The following FRRS1 variants were observed in gnomAD, a reference collection of about 807,000 sequenced individuals.
FRRS1 encodes ferric chelate reductase 1.
FRRS1 carries 51 observed loss-of-function variants against 70.7 expected under a neutral mutation model. The ratio of observed to expected loss-of-function variants is 0.72; its 90% CI spans 0.58 to 0.91. The LOEUF is 0.91. Ranked by LOEUF, FRRS1 falls within the 40% of genes least tolerant of loss-of-function variation. The pLI, the probability that FRRS1 is intolerant of heterozygous loss-of-function variation, is 0.00. For missense variants in FRRS1, 672 were observed against 726.0 expected, an observed-to-expected ratio of 0.93 and a Z score of 0.86; for synonymous variants, 225 against 238.7, an observed-to-expected ratio of 0.94 and a Z score of 0.53.
At chr1:99,750,505 G>A (rs187304380) in intron 1 of FRRS1, among the ~76,000 whole-genome samples, 20 of 152,274 alleles carry the variant, frequency 1.3e-4, no homozygotes, top group Admixed American at 6.5e-4. Flanking sequence ...AAAGTAGATG[G>A]CATGCAAGAA....
intron 1 of FRRS1, among the ~76,000 whole-genome samples, chr1:99,754,740 C>T (rs1283516005): frequency 1.3e-5 from 2 of 152,224 alleles, no homozygotes; most frequent in East Asian, 1.9e-4. Context: ...CGTGGGATGC[C>T]GCAAAAGCAG....
chr1:99,748,117 T>C (rs1656377302), intron 3 of FRRS1: 1 of 159,432 alleles, frequency 6.3e-6, no homozygotes, highest in Admixed American at 6.4e-5. Flanking sequence ...ATATACTCTC[T>C]ATGTAACAGA....
intron 1 of FRRS1, among the ~76,000 whole-genome samples, chr1:99,752,602 A>G (rs1656624109): frequency 6.6e-6 from 1 of 152,222 alleles, no homozygotes; most frequent in African/African-American, 2.4e-5. Flanking sequence ...AGATATAATG[A>G]AAAAGTTTAG....
rs1319748054 is a variant in FRRS1 at position 99,707,717 on chromosome 1, G to A, written c.*1311C>T. Among the ~76,000 whole-genome samples the A allele has an allele frequency of 6.6e-6, 1 of 152,166 alleles. No individual in the cohort carries two copies. Among genetic ancestry groups the A allele is most frequent in the East Asian group, 1.9e-4 (1 of 5,204 alleles). On this transcript the variant is annotated 3_prime_UTR_variant, in exon 17 of 17. Transcript: ENST00000646001. Reference sequence around the variant, plus strand: ...CACAAGGAAACAGGAACAAAGCAGTGCAGTACTTCGGTATTACAGCGCCAC... The same window carrying A: ...CACAAGGAAACAGGAACAAAGCAGTACAGTACTTCGGTATTACAGCGCCAC...
At chr1:99,753,453 A>G (rs2100991917) in intron 1 of FRRS1, among the ~76,000 whole-genome samples, 1 of 151,998 alleles carries the variant, frequency 6.6e-6, no homozygotes, top group East Asian at 1.9e-4. Flanking sequence ...GCAAAGCACA[A>G]CAAAGTGAAG....
In FRRS1 at chr1:99,712,174, A is replaced by T; in HGVS notation, c.1422-11T>A. The stretch of plus-strand genomic sequence containing the variant: ...TTAAACATTTGCCTTCTACCAAAAT[A>T]AGAACCAGTCAGTATTCTTAAAAGC... On this transcript the variant is annotated splice_polypyrimidine_tract_variant and intron_variant, in intron 13 of 16. Transcript: ENST00000646001. 6.3e-7 allele frequency: 1 copy of T among 1,589,772 alleles called. No homozygotes were observed. Among genetic ancestry groups the T allele is most frequent in the Non-Finnish European group, 8.6e-7 (1 of 1,158,884 alleles).
At chr1:99,733,450 T>C (rs1177067727) in intron 7 of FRRS1, among the ~76,000 whole-genome samples, 2 of 152,208 alleles carry the variant, frequency 1.3e-5, no homozygotes, top group Admixed American at 6.5e-5. Flanking sequence ...TGAGAAATGA[T>C]GAAATGCATG....
chr1:99,764,703 T>C (rs1404012636), intron 1 of FRRS1, among the ~76,000 whole-genome samples: 2 of 152,224 alleles, frequency 1.3e-5, no homozygotes, highest in African/African-American at 4.8e-5. Context: ...CCTGGACAAA[T>C]TATTTAACCT....
intron 9 of FRRS1, 90 bp downstream of exon 9, chr1:99,728,403 G>T: frequency 1.9e-6 from 2 of 1,080,946 alleles, no homozygotes; most frequent in Non-Finnish European, 2.7e-6. Context: ...TTAAAAACGG[G>T]CAATTACAGT....
chr1:99,747,667 T>C lies in FRRS1; in HGVS notation c.197-237A>G, dbSNP rs1258632751. 15 of 433,346 alleles carry C rather than the reference T, an allele frequency of 3.5e-5. 1 individual carries two copies. The Admixed American group carries it at 3.7e-4, about 11-fold the overall frequency. 26.8% of individuals were successfully genotyped at this position (433,346 alleles called of 1,614,324 possible). ...CCATTCCGCAAAGAGAAAAGAAAAA[T>C]AGGTGATGGTCCAGGGGCAGTCCAT... On this transcript the variant is annotated intron_variant, in intron 3 of 16. Coordinates refer to ENST00000646001, the MANE Select transcript of FRRS1 (RefSeq NM_001361041.2).
rs12385724 is a variant in FRRS1 at position 99,705,695 on chromosome 1, T to A, written c.*3333A>T. On this transcript the variant is annotated 3_prime_UTR_variant, in exon 17 of 17. Coordinates refer to ENST00000646001, the MANE Select transcript of FRRS1 (RefSeq NM_001361041.2). ...AAGTGAATTTGATTCATTTACTTGATAACCCATACTATAGACTACCTTTGC... is the reference window on the plus strand; with the variant it reads ...AAGTGAATTTGATTCATTTACTTGAAAACCCATACTATAGACTACCTTTGC... Among the ~76,000 whole-genome samples, 1,180 of 152,346 alleles carry A rather than the reference T, an allele frequency of 7.7e-3. 14 individuals carry two copies. Among genetic ancestry groups the A allele is most frequent in the African/African-American group, 0.027 (1,103 of 41,574 alleles).
chr1:99,715,821 T>TACG, intron 11 of FRRS1, 149 bp from the exon 12 acceptor site: 2 of 454,366 alleles, frequency 4.4e-6, no homozygotes, highest in Non-Finnish European at 8.1e-6. Flanking sequence ...GTAGCCAGGT[T>TACG]AAGAAAAAAA....
chr1:99,728,374 T>G (rs1172048345), intron 9 of FRRS1, 119 bp downstream of exon 9: 1 of 874,124 alleles, frequency 1.1e-6, no homozygotes, highest in Non-Finnish European at 1.7e-6. Context: ...AATTTGACAT[T>G]TATAGGAAAG....
Position 99,708,626 on chromosome 1 carries a change from ATATATATATATATATATATATATAT to A in FRRS1, c.*377_*401del, listed in dbSNP as rs1294802055. The A allele has an allele frequency of 8.9e-5, 2 of 22,518 alleles. No homozygotes were observed. Among genetic ancestry groups the A allele is most frequent in the Non-Finnish European group, 1.6e-4 (2 of 12,344 alleles). 1.4% of individuals were successfully genotyped at this position (22,518 alleles called of 1,614,324 possible). A position where few individuals can be genotyped will look rare whatever the true frequency, so the allele number is the denominator to read the frequency against. On this transcript the variant is annotated 3_prime_UTR_variant, in exon 17 of 17. Coordinates refer to ENST00000646001, the MANE Select transcript of FRRS1 (RefSeq NM_001361041.2). ...AAAAAAAAAAAAAAAAAAAAAAAAA[ATATATATATATATATATATATATAT>A]ATATATATATATCGTAATATATCTC...
intron 8 of FRRS1, 62 bp downstream of exon 8, chr1:99,729,588 T>C: frequency 9.7e-7 from 1 of 1,028,782 alleles, no homozygotes; most frequent in South Asian, 1.3e-5. Flanking sequence ...GCCACGCCAG[T>C]GATAGCCACA....
Position 99,709,079 on chromosome 1 carries a change from A to G in FRRS1, c.1728T>C (p.Cys576=), listed in dbSNP as rs771187104. 48 of 1,613,854 alleles carry G rather than the reference A, an allele frequency of 3.0e-5. No homozygotes were observed. In the Middle Eastern group the frequency reaches 6.6e-4, roughly 22 times the overall value. The change falls in exon 17 of 17, where the codon TGT becomes TGC. Residue 576 remains cysteine (C), a synonymous_variant. Transcript: ENST00000646001. ...FKKAVLAIYV[C]GNVTFLIIFL... is the part of the protein sequence containing the mutation. ...ATATGATGAGAAAAGTAACATTCCC[A>G]CAGACATAAATTGCCAACACTGCCT...
At chr1:99,709,320 T>C in intron 15 of FRRS1, 61 bp from the exon 16 acceptor site, 1 of 1,199,032 alleles carries the variant, frequency 8.3e-7, no homozygotes, top group Non-Finnish European at 1.2e-6. Context: ...TTAAATTTTT[T>C]AAAAAAACCT....
intron 7 of FRRS1, among the ~76,000 whole-genome samples, chr1:99,730,217 T>A (rs1655284191): frequency 6.6e-6 from 1 of 152,200 alleles, no homozygotes. Context: ...CCAAATACAC[T>A]GCATTGTACT....
chr1:99,717,501 A>T lies in FRRS1; in HGVS notation c.1145T>A (p.Met382Lys), dbSNP rs1456573736. The T allele has an allele frequency of 6.2e-7, 1 of 1,613,768 alleles. No individual in the cohort carries two copies. Among genetic ancestry groups the T allele is most frequent in the African/African-American group, 1.3e-5 (1 of 75,034 alleles). ...CAGTACACCTATGCTAACAGTAGTC[A>T]TCCATGCCACAAACATTAAGGCACC... The part of the protein sequence containing the change: ...VHGALMFVAW[M>K]TTVSIGVLVA... The change falls in exon 11 of 17, where the codon ATG (methionine) becomes AAG (lysine). Residue 382 changes from methionine (M) to lysine (K), a missense_variant. Coordinates refer to ENST00000646001, the MANE Select transcript of FRRS1 (RefSeq NM_001361041.2).
Sources: allele counts gnomAD v4.1 joint callset (sites outside exome capture counted in the v4.1 genomes callset), GRCh38; gene constraint gnomAD v4.1.1; transcripts MANE v1.5; gene names NCBI Gene and HGNC (gene_info 2026-07-23, HGNC 2026-07-21).